The following ADGRL2 variants were observed in gnomAD, a reference collection of about 807,000 sequenced individuals.
The protein encoded by ADGRL2 is adhesion G protein-coupled receptor L2.
Under a neutral mutation model 157.4 loss-of-function variants are expected in ADGRL2, and 44 were observed. The ratio of observed to expected loss-of-function variants is 0.28; its 90% CI spans 0.22 to 0.36. The LOEUF is 0.36. Among genes scored for constraint, ADGRL2 ranks in the 10% least tolerant of loss-of-function variants. The pLI is 1.00. For missense variants in ADGRL2, 1,510 were observed against 1,768.9 expected, an observed-to-expected ratio of 0.85 and a Z score of 2.63; for synonymous variants, 585 against 624.7, an observed-to-expected ratio of 0.94 and a Z score of 0.95.
chr1:81,890,084 C>T (rs1217455197), intron 2 of ADGRL2, among the ~76,000 whole-genome samples: 1 of 152,180 alleles, frequency 6.6e-6, no homozygotes, highest in African/African-American at 2.4e-5. Flanking sequence ...AACTTGTCAT[C>T]CTGTCTCTGA....
chr1:81,535,691 CGCATAGCAGGATTTTG>C (rs1288620138), intron 2 of ADGRL2, among the ~76,000 whole-genome samples: 1 of 152,016 alleles, frequency 6.6e-6, no homozygotes, highest in African/African-American at 2.4e-5. Flanking sequence ...AACATATAAA[CGCATAGCAGGATTTTG>C]GCAGATGAAA....
intron 3 of ADGRL2, among the ~76,000 whole-genome samples, chr1:81,598,272 A>G (rs536643518): frequency 6.6e-6 from 1 of 152,348 alleles, no homozygotes; most frequent in Non-Finnish European, 1.5e-5. Flanking sequence ...TGGCAAGACC[A>G]TGAAGGGACT....
intron 17 of ADGRL2, 59 bp downstream of exon 17, chr1:81,971,977 A>T: frequency 9.1e-7 from 1 of 1,093,326 alleles, no homozygotes; most frequent in Non-Finnish European, 1.4e-6. Flanking sequence ...TGCTATTCAA[A>T]CAAGGATAAT....
At chr1:81,530,926 C>T (rs1199110768) in intron 2 of ADGRL2, among the ~76,000 whole-genome samples, 1 of 151,286 alleles carries the variant, frequency 6.6e-6, no homozygotes, top group Non-Finnish European at 1.5e-5. Context: ...CTACTAAAAA[C>T]ACAAAAATTT....
chr1:81,720,756 C>T (rs2084281584), intron 1 of ADGRL2, among the ~76,000 whole-genome samples: 1 of 151,832 alleles, frequency 6.6e-6, no homozygotes, highest in Non-Finnish European at 1.5e-5. Flanking sequence ...CAAAATCAAC[C>T]ACAAGTCACT....
intron 2 of ADGRL2, among the ~76,000 whole-genome samples, chr1:81,775,802 T>C (rs528117502): frequency 6.6e-6 from 1 of 152,312 alleles, no homozygotes; most frequent in Non-Finnish European, 1.5e-5. Context: ...TGTAAAAAGG[T>C]TGGTACAGAA....
At chr1:81,402,070 A>G (rs997270698) in intron 1 of ADGRL2, among the ~76,000 whole-genome samples, 2 of 119,188 alleles carry the variant, frequency 1.7e-5, no homozygotes, top group Non-Finnish European at 3.8e-5. Flanking sequence ...AGCAGATGGC[A>G]TACTTCCTTT....
At chr1:81,525,386 C>T (rs568545093) in intron 2 of ADGRL2, among the ~76,000 whole-genome samples, 46 of 152,180 alleles carry the variant, frequency 3.0e-4, no homozygotes, top group South Asian at 2.1e-3. Context: ...GGTGCGATCC[C>T]GGCTCACTGC....
chr1:81,386,125 G>T (rs771766539), intron 1 of ADGRL2, among the ~76,000 whole-genome samples: 4 of 152,006 alleles, frequency 2.6e-5, no homozygotes, highest in Non-Finnish European at 4.4e-5. Context: ...CCTGAAAAAA[G>T]TTCTATTCTT....
chr1:81,467,896 A>G (rs2078093402), intron 2 of ADGRL2, among the ~76,000 whole-genome samples: 1 of 152,138 alleles, frequency 6.6e-6, no homozygotes, highest in South Asian at 2.1e-4. Flanking sequence ...ATCTTTTCAA[A>G]TTAAAAAAAA....
At chr1:81,629,797 C>G (rs2081978114) in intron 3 of ADGRL2, among the ~76,000 whole-genome samples, 2 of 151,610 alleles carry the variant, frequency 1.3e-5, no homozygotes, top group Admixed American at 6.6e-5. Flanking sequence ...TGCTATGTTG[C>G]TCAGGCTGGT....
At chr1:81,799,898 AT>A (rs200010141), upstream of ADGRL2, among the ~76,000 whole-genome samples, 4 of 146,462 alleles carry the variant, frequency 2.7e-5, no homozygotes, top group African/African-American at 1.0e-4. Flanking sequence ...TAAAAAAAAA[AT>A]CCATGTTTGA....
chr1:81,661,836 G>C (rs1218005917), intron 3 of ADGRL2, among the ~76,000 whole-genome samples: 2 of 152,058 alleles, frequency 1.3e-5, no homozygotes, highest in African/African-American at 4.8e-5. Flanking sequence ...TGAATGTATT[G>C]AAAACAACAG....
chr1:81,660,036 A>G (rs983791992), intron 3 of ADGRL2, among the ~76,000 whole-genome samples: 4 of 152,284 alleles, frequency 2.6e-5, no homozygotes, highest in African/African-American at 4.8e-5. Context: ...TGCCCTTTTG[A>G]CAATCTATCA....
At chr1:81,594,980 T>C (rs1005480533) in intron 3 of ADGRL2, among the ~76,000 whole-genome samples, 17 of 152,180 alleles carry the variant, frequency 1.1e-4, no homozygotes, top group Admixed American at 5.9e-4. Flanking sequence ...CACCAAACAC[T>C]TATTGAGCAC....
chr1:81,476,059 C>A (rs973311108), intron 2 of ADGRL2, among the ~76,000 whole-genome samples: 2 of 152,038 alleles, frequency 1.3e-5, no homozygotes, highest in African/African-American at 2.4e-5. Flanking sequence ...CATTGAGGAA[C>A]CTACGTCTGA....
intron 1 of ADGRL2, chr1:81,426,719 G>C (rs1174016763): frequency 4.2e-6 from 2 of 471,546 alleles, no homozygotes; most frequent in Non-Finnish European, 8.3e-6. Context: ...TGTTGAAGAG[G>C]TGGATGCAAC....
chr1:81,987,216 A>G, intron 22 of ADGRL2, 187 bp downstream of exon 22: 1 of 1,356,744 alleles, frequency 7.4e-7, no homozygotes, highest in South Asian at 1.2e-5. Context: ...GTAAAAGCTC[A>G]GTCATGATAG....
intron 2 of ADGRL2, among the ~76,000 whole-genome samples, chr1:81,486,181 A>G (rs1468839694): frequency 1.3e-5 from 2 of 152,192 alleles, no homozygotes; most frequent in Non-Finnish European, 2.9e-5. Context: ...ATGCCAGACA[A>G]TGCATGTGTG....
Sources: allele counts gnomAD v4.1 joint callset (sites outside exome capture counted in the v4.1 genomes callset), GRCh38; gene constraint gnomAD v4.1.1; transcripts MANE v1.5; gene names NCBI Gene and HGNC (gene_info 2026-07-23, HGNC 2026-07-21).